The following GOLGB1 variants were observed in gnomAD, a reference collection of about 807,000 sequenced individuals.
The protein encoded by GOLGB1 is golgin subfamily B member 1.
Under a neutral mutation model 336.9 loss-of-function variants are expected in GOLGB1, and 174 were observed. That is an observed-to-expected ratio of 0.52 (90% CI 0.46 to 0.59). The LOEUF (loss-of-function observed/expected upper bound fraction) is 0.59, where lower values mean the gene tolerates loss of function less well. Among genes scored for constraint, GOLGB1 ranks in the 20% least tolerant of loss-of-function variants. GOLGB1 has a pLI of 0.00. For synonymous variants in GOLGB1, 1,208 were observed against 1,289.2 expected (o/e 0.94, Z 1.35); for missense variants, 3,331 against 3,645.3 (o/e 0.91, Z 2.22).
In GOLGB1 at chr3:121,730,989, G is replaced by T. The variant is rs776654328; in HGVS notation, c.-2-16C>A. 2 of 1,605,616 alleles carry T rather than the reference G, an allele frequency of 1.2e-6. No homozygotes were observed. The highest frequency in any genetic ancestry group is 1.7e-6 in the Non-Finnish European group (2 of 1,177,492). The stretch of plus-strand genomic sequence containing the variant: ...CTCAGCATTTCTGTAGGAAAAGAAG[G>T]GGGGAAAAAACCTAAGAATCAGCAA... On this transcript the variant is annotated splice_polypyrimidine_tract_variant and intron_variant, in intron 1 of 21. Transcript: ENST00000614479.
rs1947325082 is a variant in GOLGB1, at chr3:121,746,844, G to C, written c.-3+2788C>G. 3.3e-5 allele frequency among the ~76,000 whole-genome samples: 5 copies of C among 151,952 alleles called. No individual in the cohort carries two copies. In the South Asian group the frequency reaches 1.0e-3, roughly 32 times the overall value. On this transcript the variant is annotated intron_variant, in intron 1 of 21. Coordinates refer to ENST00000614479, the MANE Select transcript of GOLGB1 (RefSeq NM_001366282.2). ...CCGTCAATATTCCCAGTTTTAAGGT[G>C]AGTAAACTAAGGCAGAGGGATGTTA...
intron 20 of GOLGB1, 131 bp downstream of exon 20, chr3:121,667,345 G>A (rs577350886): frequency 1.1e-6 from 1 of 907,576 alleles, no homozygotes; most frequent in Non-Finnish European, 1.7e-6. Flanking sequence ...CACAATGTTG[G>A]TAAACTCATT....
At position 121,697,054 on chromosome 3, in the gene GOLGB1, T is replaced by C; in HGVS notation, c.3469A>G (p.Thr1157Ala). 6.2e-7 allele frequency: 1 copy of C among 1,613,864 alleles called. No individual in the cohort carries two copies. The highest frequency in any genetic ancestry group is 8.5e-7 in the Non-Finnish European group (1 of 1,179,722). ...KETVVISPPC[T>A]GSSEHWKPEL... is the part of the protein sequence containing the mutation. ...GGTTTCCAGTGTTCACTACTACCTGTACAAGGTGGACTTATCACCACTGTT... is the reference window on the plus strand; with the variant it reads ...GGTTTCCAGTGTTCACTACTACCTGCACAAGGTGGACTTATCACCACTGTT... The change falls in exon 13 of 22, where the codon ACA becomes GCA. Residue 1157 changes from threonine to alanine, a missense_variant. Transcript: ENST00000614479.
Position 121,690,695 on chromosome 3 carries a change from G to A in GOLGB1, c.8669C>T (p.Ser2890Leu). The change falls in exon 14 of 22, where the codon TCA becomes TTA. Residue 2890 changes from serine to leucine, a missense_variant. Physicochemically the swap from Ser to Leu is moderately radical, Grantham distance 145. Transcript: ENST00000614479. ...EVQSLKKAMS[S>L]LQNDRDRLLK... ...TAGTCTGTCTCTGTCATTTTGGAGT[G>A]AAGACATAGCTTTTTTTAAACTCTG... 8.6e-6 allele frequency: 13 copies of A among 1,514,700 alleles called. 1 individual carries two copies. In the South Asian group the frequency reaches 1.6e-4, roughly 19 times the overall value. The allele number at this position is 1,514,700 out of a possible 1,614,324, so 93.8% of individuals were successfully genotyped here.
At chr3:121,726,433 CAAAA>C (rs10547964) in intron 5 of GOLGB1, among the ~76,000 whole-genome samples, 1 of 61,448 alleles carries the variant, frequency 1.6e-5, no homozygotes, top group East Asian at 4.6e-4. Context: ...CACCCTGTCT[CAAAA>C]AAAAAAAAAA....
chr3:121,704,344 T>C (rs1050559305), intron 10 of GOLGB1, among the ~76,000 whole-genome samples: 2 of 152,042 alleles, frequency 1.3e-5, no homozygotes, highest in African/African-American at 4.8e-5. Context: ...AAGTACTTCA[T>C]AGACAAGGAT....
rs1943125627 is a variant in GOLGB1 at position 121,698,372 on chromosome 3, A to T, written c.2151T>A (p.Asp717Glu). 1 of 1,613,718 alleles carries T rather than the reference A, an allele frequency of 6.2e-7. No homozygotes were observed. The highest frequency in any genetic ancestry group is 1.7e-5 in the Admixed American group (1 of 59,950). The change falls in exon 13 of 22, where the codon GAT (aspartate) becomes GAA (glutamate). Residue 717 changes from aspartate to glutamate, a missense_variant. Physicochemically the swap from Asp to Glu is conservative, Grantham distance 45 (BLOSUM62 2). Coordinates refer to ENST00000614479, the MANE Select transcript of GOLGB1 (RefSeq NM_001366282.2). The stretch of plus-strand genomic sequence containing the variant: ...GGTTGCTAATTTCCTTAGCTTTCTC[A>T]TCTAAATTTTTCTCATAGATTTCTT... ...KAQEIYEKNL[D>E]EKAKEISNLN...
chr3:121,726,445 A>AG (rs1945614931), intron 5 of GOLGB1, among the ~76,000 whole-genome samples: 1 of 149,728 alleles, frequency 6.7e-6, no homozygotes, highest in East Asian at 1.9e-4. Context: ...AAAAAAAAAA[A>AG]AAAAAAAAAG....
chr3:121,668,707 C>T (rs1046577796), intron 18 of GOLGB1, among the ~76,000 whole-genome samples: 1 of 149,880 alleles, frequency 6.7e-6, no homozygotes, highest in African/African-American at 2.5e-5. Flanking sequence ...GTTAAGTCTG[C>T]TGTGGATGCT....
At chr3:121,693,195 G>T (rs1028129801) in intron 13 of GOLGB1, among the ~76,000 whole-genome samples, 1 of 152,152 alleles carries the variant, frequency 6.6e-6, no homozygotes, top group African/African-American at 2.4e-5. Flanking sequence ...GAAATGAAAA[G>T]AAATACAGAG....
chr3:121,694,380 T>G lies in GOLGB1; in HGVS notation c.6143A>C (p.Lys2048Thr). 1 of 1,613,348 alleles carries G rather than the reference T, an allele frequency of 6.2e-7. No individual in the cohort carries two copies. The highest frequency in any genetic ancestry group is 1.3e-5 in the African/African-American group (1 of 75,022). ...TTCAGTTTGAACAAATTCTAGAGCTTTAACAGTTCTCTCCAGAGCACTAAT... is the reference window on the plus strand; with the variant it reads ...TTCAGTTTGAACAAATTCTAGAGCTGTAACAGTTCTCTCCAGAGCACTAAT... ...EKISALERTVKALEFVQTESQ... is the reference protein window; with the variant it reads ...EKISALERTVTALEFVQTESQ... The change falls in exon 13 of 22, where the codon AAA (lysine) becomes ACA (threonine). Residue 2048 changes from lysine (K) to threonine (T), a missense_variant. Transcript: ENST00000614479.
Position 121,690,999 on chromosome 3 carries a change from G to A in GOLGB1, c.8365C>T (p.Leu2789Phe). 1.2e-6 allele frequency: 2 copies of A among 1,613,908 alleles called. No individual in the cohort carries two copies. The highest frequency in any genetic ancestry group is 2.2e-5 in the East Asian group (1 of 44,894). The stretch of plus-strand genomic sequence containing the variant: ...ATTGAAAAGGCGGTTTCAGAAAGAA[G>A]AGCATCTCTCTCTCTGTTTAAGAGT... ...QGLLNRERDA[L>F]LSETAFSMNS... is the part of the protein sequence containing the mutation. The change falls in exon 14 of 22, where the codon CTT becomes TTT. Residue 2789 changes from leucine to phenylalanine, a missense_variant. Physicochemically the swap from Leu to Phe is conservative, Grantham distance 22. Transcript: ENST00000614479.
In GOLGB1 at chr3:121,686,161, T is replaced by C. The variant is rs545467786; in HGVS notation, c.8695-4296A>G. Reference sequence around the variant, plus strand: ...TCACAACTGCACAGTGTTCTCTTTATGGGAACACAGAAGAAATTTCTTACA... The same window carrying C: ...TCACAACTGCACAGTGTTCTCTTTACGGGAACACAGAAGAAATTTCTTACA... On this transcript the variant is annotated intron_variant, in intron 14 of 21. Transcript: ENST00000614479. Among the ~76,000 whole-genome samples, 6 of 152,366 alleles carry C rather than the reference T, an allele frequency of 3.9e-5. No individual in the cohort carries two copies. In the East Asian group the frequency reaches 5.8e-4, roughly 15 times the overall value.
intron 5 of GOLGB1, among the ~76,000 whole-genome samples, chr3:121,725,234 T>C (rs1945492585): frequency 6.6e-6 from 1 of 152,144 alleles, no homozygotes; most frequent in Admixed American, 6.5e-5. Context: ...GCTACCAGTG[T>C]GCAATGCAAA....
At position 121,669,306 on chromosome 3, in the gene GOLGB1, T is replaced by A; in HGVS notation, c.9227A>T (p.Asp3076Val). 6.2e-7 allele frequency: 1 copy of A among 1,613,830 alleles called. No homozygotes were observed. The highest frequency in any genetic ancestry group is 2.2e-5 in the East Asian group (1 of 44,874). ...EKNTLSIQLC[D>V]TSQSLRENQQ... is the part of the protein sequence containing the mutation. ...GTTCTCACGAAGACTCTGACTGGTA[T>A]CGCAGAGCTGAATGGAAAGGGTGTT... Residue 3076 changes from aspartate to valine, a missense_variant, in exon 18 of 22, where the codon GAT (aspartate) becomes GTT (valine). Coordinates refer to ENST00000614479, the MANE Select transcript of GOLGB1 (RefSeq NM_001366282.2).
At chr3:121,711,221 G>C (rs1944338033) in intron 10 of GOLGB1, among the ~76,000 whole-genome samples, 1 of 151,880 alleles carries the variant, frequency 6.6e-6, no homozygotes, top group Admixed American at 6.6e-5. Context: ...AAATTTTTAG[G>C]AGGATTGCTA....
intron 1 of GOLGB1, 133 bp downstream of exon 1, chr3:121,749,499 G>A (rs1159937691): frequency 6.6e-6 from 1 of 152,644 alleles, no homozygotes; most frequent in African/African-American, 2.4e-5. Context: ...CCGGATCCAG[G>A]ACTGAATCCG....
chr3:121,699,776 C>T (rs1943238917), intron 12 of GOLGB1, 36 bp downstream of exon 12: 1 of 1,249,342 alleles, frequency 8.0e-7, no homozygotes, highest in South Asian at 1.3e-5. Flanking sequence ...CTTAATCTAG[C>T]TCATGTTCTG....
chr3:121,716,693 T>C, intron 9 of GOLGB1, 44 bp downstream of exon 9: 1 of 1,469,840 alleles, frequency 6.8e-7, no homozygotes, highest in Non-Finnish European at 9.3e-7. Flanking sequence ...TACAAGCCAC[T>C]CAGATGGTAG....
Sources: gnomAD v4.1 joint callset for allele counts (sites outside exome capture counted in the v4.1 genomes callset) on GRCh38, gnomAD v4.1.1 for gene constraint, MANE v1.5 for transcripts, NCBI Gene and HGNC (gene_info 2026-07-23, HGNC 2026-07-21) for gene names.